Variants in PCDHGB6 observed in about 807,000 individuals in gnomAD.
PCDHGB6 encodes the protein protocadherin gamma-B6.
Under a neutral mutation model 59.1 loss-of-function variants are expected in PCDHGB6, and 51 were observed. That is an observed-to-expected ratio of 0.86 (90% CI 0.69 to 1.09). The LOEUF (loss-of-function observed/expected upper bound fraction) is 1.09. PCDHGB6 is among the 50% of genes least tolerant of loss of function. PCDHGB6 has a pLI of 0.00. For missense variants in PCDHGB6, 1,148 were observed against 1,205.1 expected, an observed-to-expected ratio of 0.95 and a Z score of 0.70; for synonymous variants, 466 against 495.1, an observed-to-expected ratio of 0.94 and a Z score of 0.78.
rs1248867280 is a variant in PCDHGB6 at position 141,511,325 on chromosome 5, C to T, written c.*152C>T. 18 of 1,466,406 alleles carry T rather than the reference C, an allele frequency of 1.2e-5. No homozygotes were observed. Among genetic ancestry groups the T allele is most frequent in the Non-Finnish European group, 1.5e-5 (17 of 1,099,872 alleles). 90.8% of individuals were successfully genotyped at this position (1,466,406 alleles called of 1,614,324 possible). A position where few individuals can be genotyped will look rare whatever the true frequency, so the allele number is the denominator to read the frequency against. On this transcript the variant is annotated 3_prime_UTR_variant, in exon 4 of 4. Coordinates refer to ENST00000520790, the MANE Select transcript of PCDHGB6 (RefSeq NM_018926.3). ...TCCCCTTGGGAAACAGAAACAAGTG[C>T]CCAGTCAGCACCTACCCCTTCCCCC...
chr5:141,509,572 G>T (rs955898202), intron 3 of PCDHGB6, among the ~76,000 whole-genome samples: 24 of 152,300 alleles, frequency 1.6e-4, no homozygotes, highest in Middle Eastern at 3.4e-3. Context: ...CCTTCACAGT[G>T]CGTACAAATC....
At chr5:141,417,585 G>T in intron 1 of PCDHGB6, 1 of 462,794 alleles carries the variant, frequency 2.2e-6, no homozygotes, top group South Asian at 4.9e-5. Context: ...GTCCCACACA[G>T]AGCCTCTGGG....
intron 1 of PCDHGB6, among the ~76,000 whole-genome samples, chr5:141,481,749 C>G (rs958851030): frequency 7.9e-5 from 12 of 151,976 alleles, no homozygotes; most frequent in African/African-American, 2.9e-4. Context: ...GTCAGGAGTC[C>G]AAGACCAGCC....
intron 1 of PCDHGB6, chr5:141,423,244 C>T: frequency 1.2e-6 from 2 of 1,613,984 alleles, no homozygotes; most frequent in Non-Finnish European, 1.7e-6. Context: ...CCCCGAAGTC[C>T]TGGCGGACCT....
At chr5:141,455,842 C>T (rs1224197325) in intron 1 of PCDHGB6, among the ~76,000 whole-genome samples, 1 of 150,876 alleles carries the variant, frequency 6.6e-6, no homozygotes, top group Non-Finnish European at 1.5e-5. Context: ...TGTCTATCTG[C>T]ATAAAATAAT....
At chr5:141,430,873 G>T in intron 1 of PCDHGB6, 5 of 1,598,960 alleles carry the variant, frequency 3.1e-6, no homozygotes, top group Non-Finnish European at 4.3e-6. Flanking sequence ...TTCCGGAAGA[G>T]CTGGAGAAAG....
chr5:141,423,624 T>A (rs756883871), intron 1 of PCDHGB6: 9 of 1,607,038 alleles, frequency 5.6e-6, no homozygotes, highest in African/African-American at 1.3e-5. Flanking sequence ...AAGACTCAGC[T>A]ATCATTTTAG....
chr5:141,499,616 C>T (rs538268323), intron 2 of PCDHGB6, among the ~76,000 whole-genome samples: 2 of 152,058 alleles, frequency 1.3e-5, no homozygotes, highest in South Asian at 4.2e-4. Context: ...CTTATCCTGT[C>T]CTTGGATTCT....
intron 1 of PCDHGB6, among the ~76,000 whole-genome samples, chr5:141,442,913 AACT>A (rs1163578304): frequency 6.6e-6 from 1 of 152,214 alleles, no homozygotes. Flanking sequence ...TTCAGCACAC[AACT>A]GTTTCATTTT....
intron 1 of PCDHGB6, among the ~76,000 whole-genome samples, chr5:141,463,438 CTTTTTTTTTTTTTTTT>C (rs71576115): frequency 1.9e-5 from 2 of 103,256 alleles, no homozygotes; most frequent in African/African-American, 4.5e-5. Context: ...TTTCCTTCTC[CTTTTTTTTTTTTTTTT>C]TTTTTTTTTT....
intron 1 of PCDHGB6, among the ~76,000 whole-genome samples, chr5:141,484,281 C>T (rs969039536): frequency 6.6e-6 from 1 of 152,202 alleles, no homozygotes; most frequent in Admixed American, 6.5e-5. Context: ...TGTTTTGAAA[C>T]ATCTCCCTCT....
At chr5:141,465,840 A>G (rs1212861707) in intron 1 of PCDHGB6, among the ~76,000 whole-genome samples, 1 of 151,734 alleles carries the variant, frequency 6.6e-6, no homozygotes, top group Non-Finnish European at 1.5e-5. Context: ...ATTTCAACTG[A>G]GGCTGGGCCC....
rs2099695710 is a variant in PCDHGB6, at chr5:141,490,068, A to G, written c.2419-4739A>G. On this transcript the variant is annotated intron_variant, in intron 1 of 3. Coordinates refer to ENST00000520790, the MANE Select transcript of PCDHGB6 (RefSeq NM_018926.3). This position sits in a 1 kb window ranked among gnomAD's most constrained non-coding sequence, Gnocchi z 5.4. ...ATCCAGACGAGGGCACCAACGGCCA[A>G]CTAGACTATTCTTTTGGAGACCACA... is the stretch of plus-strand genomic sequence containing the variant. 2 of 1,614,152 alleles carry G rather than the reference A, an allele frequency of 1.2e-6. No homozygotes were observed. The highest frequency in any genetic ancestry group is 1.6e-4 in the Middle Eastern group (1 of 6,084).
Position 141,408,375 on chromosome 5 carries a change from T to A in PCDHGB6, c.173T>A (p.Val58Asp). 1 of 1,613,972 alleles carries A rather than the reference T, an allele frequency of 6.2e-7. No individual in the cohort carries two copies. Among genetic ancestry groups the A allele is most frequent in the Non-Finnish European group, 8.5e-7 (1 of 1,179,862 alleles). ...CTCGCTAAGGATCTAGGGCTCAGTGTCCTGGATGTGTCGGCTCGCAAGCTG... is the reference window on the plus strand; with the variant it reads ...CTCGCTAAGGATCTAGGGCTCAGTGACCTGGATGTGTCGGCTCGCAAGCTG... ...GNLAKDLGLSVLDVSARKLRV... is the reference protein window; with the variant it reads ...GNLAKDLGLSDLDVSARKLRV... Residue 58 changes from valine (V) to aspartate (D), a missense_variant, in exon 1 of 4, where the codon GTC becomes GAC. Around this residue, in one of 5 missense-constraint regions of PCDHGB6, gnomAD observed 307 missense variants for 323.8 expected, o/e 0.95. Coordinates refer to ENST00000520790, the MANE Select transcript of PCDHGB6 (RefSeq NM_018926.3).
chr5:141,430,509 G>T, intron 1 of PCDHGB6: 1 of 328,564 alleles, frequency 3.0e-6, no homozygotes. Flanking sequence ...GGGAGTTCAA[G>T]ATTGTGCAGT....
rs558513172 is a variant in PCDHGB6 at position 141,424,015 on chromosome 5, A to T, written c.2418+13395A>T. The T allele has an allele frequency of 3.0e-5, 32 of 1,060,896 alleles. No individual in the cohort carries two copies. The Admixed American group carries it at 3.2e-4, about 11-fold the overall frequency. The allele number at this position is 1,060,896 out of a possible 1,614,324, so 65.7% of individuals were successfully genotyped here. A position where few individuals can be genotyped will look rare whatever the true frequency, so the allele number is the denominator to read the frequency against. ...TATTATATATAGATACAAATTAATGATTCACAAACACTTTTTATTTCCATT... is the reference window on the plus strand; with the variant it reads ...TATTATATATAGATACAAATTAATGTTTCACAAACACTTTTTATTTCCATT... On this transcript the variant is annotated intron_variant, in intron 1 of 3. Transcript: ENST00000520790.
Position 141,408,776 on chromosome 5 carries a change from C to T in PCDHGB6, c.574C>T (p.Pro192Ser), listed in dbSNP as rs748401410. 54 of 1,611,566 alleles carry T rather than the reference C, an allele frequency of 3.4e-5. No homozygotes were observed. The highest frequency in any genetic ancestry group is 4.4e-5 in the Non-Finnish European group (52 of 1,178,840). Residue 192 changes from proline to serine, a missense_variant, in exon 1 of 4, where the codon CCA (proline) becomes TCA (serine). Physicochemically the swap from Pro to Ser is moderately conservative, Grantham distance 74. Around this residue, in one of 5 missense-constraint regions of PCDHGB6, gnomAD observed 307 missense variants for 323.8 expected, o/e 0.95. Coordinates refer to ENST00000520790, the MANE Select transcript of PCDHGB6 (RefSeq NM_018926.3). ...VRVNSDGGKY[P>S]ELSLEKLLDR... Reference sequence around the variant, plus strand: ...AGTTAATTCCGATGGTGGCAAATACCCAGAGTTATCTCTGGAGAAACTCCT... The same window carrying T: ...AGTTAATTCCGATGGTGGCAAATACTCAGAGTTATCTCTGGAGAAACTCCT...
intron 1 of PCDHGB6, chr5:141,428,270 C>T (rs1353416356): frequency 1.3e-6 from 1 of 778,952 alleles, no homozygotes. Flanking sequence ...AGTCCTGTGC[C>T]CTCTGATTCC....
At chr5:141,462,019 C>T (rs1276421563) in intron 1 of PCDHGB6, among the ~76,000 whole-genome samples, 6 of 152,178 alleles carry the variant, frequency 3.9e-5, no homozygotes, top group Non-Finnish European at 8.8e-5. Flanking sequence ...GACGGGGTTT[C>T]TTCATGTTGG....
Sources: allele counts gnomAD v4.1 joint callset (sites outside exome capture counted in the v4.1 genomes callset), GRCh38; gene constraint gnomAD v4.1.1; regional missense constraint gnomAD v4.1.1; non-coding constraint Gnocchi (gnomAD v3.1); transcripts MANE v1.5; gene names NCBI Gene and HGNC (gene_info 2026-07-23, HGNC 2026-07-21).